GCGR: variants seen among roughly 807,000 people sequenced by gnomAD.
The protein encoded by GCGR is glucagon receptor.
In GCGR, 41 loss-of-function variants were observed where a neutral mutation model predicts 56.1. That is an observed-to-expected ratio of 0.73 (90% CI 0.57 to 0.95). The LOEUF is 0.95. GCGR is among the 40% of genes least tolerant of loss of function. GCGR has a pLI of 0.00. For synonymous variants in GCGR, 278 were observed against 271.1 expected, an observed-to-expected ratio of 1.03 and a Z score of -0.25; for missense variants, 595 against 638.2, an observed-to-expected ratio of 0.93 and a Z score of 0.73.
chr17:81,808,754 C>T (rs903115804), intron 1 of GCGR, 88 bp from the exon 2 acceptor site: 27 of 551,894 alleles, frequency 4.9e-5, no homozygotes, highest in Non-Finnish European at 7.5e-5. Context: ...CTCCAGACCT[C>T]GTGATCCACC....
rs150694839 is a variant in GCGR at position 81,813,736 on chromosome 17, C to T, written c.*47C>T. On this transcript the variant is annotated 3_prime_UTR_variant, in exon 14 of 14. Transcript: ENST00000400723. This position sits in a 1 kb window ranked among gnomAD's most constrained non-coding sequence, Gnocchi z 5.3. The stretch of plus-strand genomic sequence containing the variant: ...GGGCTGGACTCTGGCACCCAGAGGG[C>T]GTCGCTGGACAACCCAGAACTGGAC... 321 of 1,509,442 alleles carry T rather than the reference C, an allele frequency of 2.1e-4. 3 individuals carry two copies. The South Asian group carries it at 3.1e-3, about 14-fold the overall frequency. The allele number at this position is 1,509,442 out of a possible 1,614,324, so 93.5% of individuals were successfully genotyped here.
chr17:81,813,623 C>G lies in GCGR; in HGVS notation c.1368C>G (p.Ser456Arg), dbSNP rs2038153197. 2.0e-6 allele frequency: 3 copies of G among 1,536,322 alleles called. No individual in the cohort carries two copies. The South Asian group carries it at 3.6e-5, about 18-fold the overall frequency. ...TGCAGTTTGGGAGGGGTGGTGGCAG[C>G]CAGGATTCATCTGCGGAGACCCCCT... The part of the protein sequence containing the change: ...KELQFGRGGG[S>R]QDSSAETPLA... The change falls in exon 14 of 14, where the codon AGC becomes AGG. Residue 456 changes from serine (S) to arginine (R), a missense_variant. Physicochemically the swap from Ser to Arg is moderately radical, Grantham distance 110. Transcript: ENST00000400723. The surrounding 1 kb of genome is among the most constrained non-coding windows in gnomAD (Gnocchi z 5.3).
intron 2 of GCGR, 45 bp downstream of exon 2, chr17:81,809,123 G>A (rs2038020931): frequency 1.3e-6 from 2 of 1,525,808 alleles, no homozygotes; most frequent in Non-Finnish European, 1.8e-6. Context: ...CCTCCTGTGA[G>A]GACTGCACAC....
In GCGR at chr17:81,813,429, G is replaced by A. The variant is rs2038144817; in HGVS notation, c.1219-45G>A. ...ACAGCAGGTCCCGGTGGGGTGGAGA[G>A]GACAGGCAGGCCCTAGGACTGGCCT... On this transcript the variant is annotated intron_variant, in intron 13 of 13. Transcript: ENST00000400723. This position sits in a 1 kb window ranked among gnomAD's most constrained non-coding sequence, Gnocchi z 5.3. The A allele has an allele frequency of 3.3e-6, 5 of 1,511,646 alleles. No homozygotes were observed. Among genetic ancestry groups the A allele is most frequent in the African/African-American group, 1.4e-5 (1 of 72,382 alleles). 93.6% of individuals were successfully genotyped at this position (1,511,646 alleles called of 1,614,324 possible).
Position 81,811,805 on chromosome 17 carries a change from G to C in GCGR, c.812G>C (p.Gly271Ala), listed in dbSNP as rs550972775. Residue 271 changes from glycine to alanine, a missense_variant, in exon 8 of 14, where the codon GGC becomes GCC. Transcript: ENST00000400723. The surrounding 1 kb of genome is among the most constrained non-coding windows in gnomAD (Gnocchi z 5.8). The stretch of plus-strand genomic sequence containing the variant: ...TTCTTCAGCCTCTACCTGGGCATCG[G>C]CTGGGGTGAGTGGGCTGGCATGAGA... ...RSFFSLYLGI[G>A]WGAPMLFVVP... 2 of 1,537,200 alleles carry C rather than the reference G, an allele frequency of 1.3e-6. No homozygotes were observed. Among genetic ancestry groups the C allele is most frequent in the African/African-American group, 1.4e-5 (1 of 73,176 alleles).
At chr17:81,809,630 CCTGCCTGTCTGT>C (rs1333954293) in intron 2 of GCGR, among the ~76,000 whole-genome samples, 140 bp from the exon 3 acceptor site, 1 of 146,174 alleles carries the variant, frequency 6.8e-6, no homozygotes, top group Non-Finnish European at 1.5e-5. Flanking sequence ...TGTCCGTCTG[CCTGCCTGTCTGT>C]CTGCCTGTCT....
In GCGR at chr17:81,812,487, A is replaced by G. The variant is rs562631638; in HGVS notation, c.949-90A>G. On this transcript the variant is annotated intron_variant, in intron 10 of 13. Transcript: ENST00000400723. This position sits in a 1 kb window ranked among gnomAD's most constrained non-coding sequence, Gnocchi z 8.5. ...CAGGGCCTATCTTGCTGCCAGGCCC[A>G]CCTGCAGGAGGGTCAGGTGGGGCCT... The G allele has an allele frequency of 2.3e-6, 3 of 1,291,452 alleles. No individual in the cohort carries two copies. Among genetic ancestry groups the G allele is most frequent in the South Asian group, 2.7e-5 (2 of 73,208 alleles). 80.0% of individuals were successfully genotyped at this position (1,291,452 alleles called of 1,614,324 possible).
In GCGR at chr17:81,812,696, C is replaced by A; in HGVS notation, c.1037+31C>A. On this transcript the variant is annotated intron_variant, in intron 11 of 13. Transcript: ENST00000400723. The surrounding 1 kb of genome is among the most constrained non-coding windows in gnomAD (Gnocchi z 8.5). ...TGCCGCGGCAGCTGGCGTCTCGAGA[C>A]CTGGAGACCCTCAGGGCCAGAGGGC... The A allele has an allele frequency of 6.5e-7, 1 of 1,531,018 alleles. No homozygotes were observed. The highest frequency in any genetic ancestry group is 8.8e-7 in the Non-Finnish European group (1 of 1,142,766). 94.8% of individuals were successfully genotyped at this position (1,531,018 alleles called of 1,614,324 possible).
intron 2 of GCGR, among the ~76,000 whole-genome samples, 166 bp from the exon 3 acceptor site, chr17:81,809,600 CATCTGCCTGCCTATCT>C (rs1161130898): frequency 7.7e-6 from 1 of 130,418 alleles, no homozygotes; most frequent in African/African-American, 3.0e-5. Context: ...TCTGCCTATC[CATCTGCCTGCCTATCT>C]GTCTGTCCGT....
In GCGR at chr17:81,813,749, C is replaced by T; in HGVS notation, c.*60C>T. The T allele has an allele frequency of 6.8e-7, 1 of 1,469,784 alleles. No individual in the cohort carries two copies. The highest frequency in any genetic ancestry group is 9.1e-7 in the Non-Finnish European group (1 of 1,097,716). The allele number at this position is 1,469,784 out of a possible 1,614,324, so 91.0% of individuals were successfully genotyped here. ...GCACCCAGAGGGCGTCGCTGGACAA[C>T]CCAGAACTGGACGCCCAGCTGAGGC... On this transcript the variant is annotated 3_prime_UTR_variant, in exon 14 of 14. Coordinates refer to ENST00000400723, the MANE Select transcript of GCGR (RefSeq NM_000160.5). This position sits in a 1 kb window ranked among gnomAD's most constrained non-coding sequence, Gnocchi z 5.3.
At chr17:81,808,548 C>T (rs1279237352) in intron 1 of GCGR, among the ~76,000 whole-genome samples, 1 of 140,122 alleles carries the variant, frequency 7.1e-6, no homozygotes, top group Non-Finnish European at 1.5e-5. Context: ...GAGACGGAGT[C>T]TCGCTCTGTC....
rs749874976 is a variant in GCGR, at chr17:81,811,455, C to T, written c.552C>T (p.Phe184=). 6.5e-6 allele frequency: 10 copies of T among 1,536,644 alleles called. No homozygotes were observed. The highest frequency in any genetic ancestry group is 2.4e-5 in the South Asian group (2 of 84,066). ...TCCACGCGAATCTGTTTGCGTCCTT[C>T]GTGCTGAAAGCCAGCTCCGTGCTGG... The part of the protein sequence containing the change: ...NAIHANLFAS[F]VLKASSVLVI... The change falls in exon 7 of 14, where the codon TTC becomes TTT. Residue 184 remains phenylalanine (F), a synonymous_variant. Transcript: ENST00000400723. The surrounding 1 kb of genome is among the most constrained non-coding windows in gnomAD (Gnocchi z 5.8).
rs2038143462 is a variant in GCGR at position 81,813,367 on chromosome 17, C to T, written c.1219-107C>T. 1 of 1,084,644 alleles carries T rather than the reference C, an allele frequency of 9.2e-7. No homozygotes were observed. The highest frequency in any genetic ancestry group is 1.3e-6 in the Non-Finnish European group (1 of 758,818). 67.2% of individuals were successfully genotyped at this position (1,084,644 alleles called of 1,614,324 possible). ...GCAGGGAGCTTGTGTCGCTCTGCAC[C>T]CCTCAGAGCGGAGACTGGGCATCTC... is the stretch of plus-strand genomic sequence containing the variant. On this transcript the variant is annotated intron_variant, in intron 13 of 13. Coordinates refer to ENST00000400723, the MANE Select transcript of GCGR (RefSeq NM_000160.5). The surrounding 1 kb of genome is among the most constrained non-coding windows in gnomAD (Gnocchi z 5.3).
Position 81,809,875 on chromosome 17 carries a change from C to A in GCGR, c.154C>A (p.Pro52Thr), listed in dbSNP as rs1331669976. 3.3e-5 allele frequency: 51 copies of A among 1,535,958 alleles called. No individual in the cohort carries two copies. Among genetic ancestry groups the A allele is most frequent in the Non-Finnish European group, 4.3e-5 (49 of 1,146,438 alleles). Reference sequence around the variant, plus strand: ...TCACCACAACCTGAGCCTGCTGCCCCCTCCCACGGGTGAGCCCCCCACCCA... The same window carrying A: ...TCACCACAACCTGAGCCTGCTGCCCACTCCCACGGGTGAGCCCCCCACCCA... ...QCHHNLSLLP[P>T]PTELVCNRTF... The change falls in exon 3 of 14, where the codon CCT (proline) becomes ACT (threonine). Residue 52 changes from proline to threonine, a missense_variant. Pro to Thr is a conservative substitution (Grantham distance 38). Transcript: ENST00000400723.
rs1372556587 is a variant in GCGR at position 81,811,076 on chromosome 17, A to G, written c.338A>G (p.Gln113Arg). 1 of 1,536,032 alleles carries G rather than the reference A, an allele frequency of 6.5e-7. No individual in the cohort carries two copies. Among genetic ancestry groups the G allele is most frequent in the East Asian group, 2.4e-5 (1 of 40,918 alleles). The stretch of plus-strand genomic sequence containing the variant: ...CAGTGGGTGCGTGGACCCCGGGGGC[A>G]GCCTTGGCGTGATGCCTCCCAGTGC... The part of the protein sequence containing the change: ...DGQWVRGPRG[Q>R]PWRDASQCQM... The change falls in exon 5 of 14, where the codon CAG becomes CGG. Residue 113 changes from glutamine (Q) to arginine (R), a missense_variant. Transcript: ENST00000400723. This position sits in a 1 kb window ranked among gnomAD's most constrained non-coding sequence, Gnocchi z 5.8.
chr17:81,808,864 G>T lies in GCGR; in HGVS notation c.-155G>T. The stretch of plus-strand genomic sequence containing the variant: ...TAGGACCCTGAGGCTCAGAGGGGCA[G>T]CTTCAGGGGAGGACACCCCACTGGC... On this transcript the variant is annotated 5_prime_UTR_variant, in exon 2 of 14. Coordinates refer to ENST00000400723, the MANE Select transcript of GCGR (RefSeq NM_000160.5). 1.1e-6 allele frequency: 1 copy of T among 876,620 alleles called. No individual in the cohort carries two copies. The highest frequency in any genetic ancestry group is 1.8e-6 in the Non-Finnish European group (1 of 558,990). 54.3% of individuals were successfully genotyped at this position (876,620 alleles called of 1,614,324 possible).
In GCGR at chr17:81,811,779, C is replaced by T. The variant is rs776062273; in HGVS notation, c.786C>T (p.Ser262=). Reference sequence around the variant, plus strand: ...GCCTGGCCACCCTCCCCGAGAGGAGCTTCTTCAGCCTCTACCTGGGCATCG... The same window carrying T: ...GCCTGGCCACCCTCCCCGAGAGGAGTTTCTTCAGCCTCTACCTGGGCATCG... The part of the protein sequence containing the change: ...LLGLATLPER[S]FFSLYLGIGW... Residue 262 remains serine (S), a synonymous_variant, in exon 8 of 14, where the codon AGC becomes AGT. Coordinates refer to ENST00000400723, the MANE Select transcript of GCGR (RefSeq NM_000160.5). The surrounding 1 kb of genome is among the most constrained non-coding windows in gnomAD (Gnocchi z 5.8). 6.5e-6 allele frequency: 10 copies of T among 1,537,624 alleles called. No homozygotes were observed. The highest frequency in any genetic ancestry group is 8.7e-6 in the Non-Finnish European group (10 of 1,147,190).
In GCGR at chr17:81,809,889, G is replaced by GC. The variant is rs370693011; in HGVS notation, c.163+11dup. 2 of 1,527,578 alleles carry GC rather than the reference G, an allele frequency of 1.3e-6. No individual in the cohort carries two copies. Among genetic ancestry groups the GC allele is most frequent in the Non-Finnish European group, 1.8e-6 (2 of 1,138,752 alleles). The allele number at this position is 1,527,578 out of a possible 1,614,324, so 94.6% of individuals were successfully genotyped here. On this transcript the variant is annotated splice_donor_region_variant and intron_variant, in intron 3 of 13. Transcript: ENST00000400723. ...GCCTGCTGCCCCCTCCCACGGGTGA[G>GC]CCCCCCACCCAGAGCCTTTCAGCCT... is the stretch of plus-strand genomic sequence containing the variant.
In GCGR at chr17:81,810,628, G is replaced by A. The variant is rs1184090512; in HGVS notation, c.164-197G>A. ...GCTAGCGGAGGCTGGTCCAGGGGAG[G>A]TGGATGGTCAGGTGAGGAAGGTGGA... On this transcript the variant is annotated intron_variant, in intron 3 of 13. Coordinates refer to ENST00000400723, the MANE Select transcript of GCGR (RefSeq NM_000160.5). This position sits in a 1 kb window ranked among gnomAD's most constrained non-coding sequence, Gnocchi z 4.6. Among the ~76,000 whole-genome samples, 1 of 152,032 alleles carries A rather than the reference G, an allele frequency of 6.6e-6. No individual in the cohort carries two copies. Among genetic ancestry groups the A allele is most frequent in the African/African-American group, 2.4e-5 (1 of 41,368 alleles).
Sources: gnomAD v4.1 joint callset for allele counts (sites outside exome capture counted in the v4.1 genomes callset) on GRCh38, gnomAD v4.1.1 for gene constraint, Gnocchi (gnomAD v3.1) non-coding constraint, MANE v1.5 for transcripts, NCBI Gene and HGNC (gene_info 2026-07-23, HGNC 2026-07-21) for gene names.